The following KRT13 variants were observed in gnomAD, a reference collection of about 807,000 sequenced individuals.
The protein encoded by KRT13 is keratin 13, also known as keratin, type I cytoskeletal 13.
KRT13 carries 27 observed loss-of-function variants against 40.6 expected under a neutral mutation model. The observed-to-expected ratio is 0.67, with a 90% CI of 0.49 to 0.92. The LOEUF is 0.92. Ranked by LOEUF, KRT13 falls within the 40% of genes least tolerant of loss-of-function variation. The pLI is 0.00. For missense variants in KRT13, 605 were observed against 611.5 expected, an observed-to-expected ratio of 0.99 and a Z score of 0.11; for synonymous variants, 266 against 240.3, an observed-to-expected ratio of 1.11 and a Z score of -0.99.
In KRT13 at chr17:41,502,543, G is replaced by A; in HGVS notation, c.1075C>T (p.Gln359Ter). 6.2e-7 allele frequency: 1 copy of A among 1,613,894 alleles called. No individual in the cohort carries two copies. ...ATGAGTCCCTGGATCTGCTGCAGCT[G>A]CAGGGCATAGCGGCACTCCGTCTCT... ...VAETECRYALQLQQIQGLISS... is the reference protein window; with the variant it reads ...VAETECRYAL The change falls in exon 6 of 8, where the codon CAG (glutamine) becomes TAG (stop). Residue 359 changes from glutamine to a stop codon, truncating the protein, a stop_gained. Coordinates refer to ENST00000246635, the MANE Select transcript of KRT13 (RefSeq NM_153490.3). LOFTEE classifies it high-confidence loss of function.
rs561606076 is a variant in KRT13 at position 41,503,414 on chromosome 17, C to T, written c.608G>A (p.Ser203Asn). ...KYENELALRQ[S>N]VEADINGLRR... ...CAGGCCGTTGATGTCGGCCTCCACG[C>T]TCTGGCGCAGGGCCAGCTCATTCTC... Residue 203 changes from serine (S) to asparagine (N), a missense_variant, in exon 3 of 8, where the codon AGC becomes AAC. Coordinates refer to ENST00000246635, the MANE Select transcript of KRT13 (RefSeq NM_153490.3). The T allele has an allele frequency of 1.6e-5, 26 of 1,614,252 alleles. No homozygotes were observed. Among genetic ancestry groups the T allele is most frequent in the East Asian group, 2.2e-5 (1 of 44,880 alleles).
chr17:41,504,138 T>G (rs1010482523), intron 1 of KRT13: 1 of 260,560 alleles, frequency 3.8e-6, no homozygotes, highest in Non-Finnish European at 7.5e-6. Context: ...AAGTGAGGAG[T>G]GGGGCTGCAT....
Position 41,501,213 on chromosome 17 carries a change from T to A in KRT13, c.*43A>T. The A allele has an allele frequency of 1.4e-6, 2 of 1,408,578 alleles. No homozygotes were observed. Among genetic ancestry groups the A allele is most frequent in the East Asian group, 2.5e-5 (1 of 39,752 alleles). The allele number at this position is 1,408,578 out of a possible 1,614,324, so 87.3% of individuals were successfully genotyped here. A position where few individuals can be genotyped will look rare whatever the true frequency, so the allele number is the denominator to read the frequency against. ...CTGCAGGGAACTGCCGGCTCTCTCC[T>A]CCTCTGGGTGCTGAAGACAGAGGGA... On this transcript the variant is annotated 3_prime_UTR_variant, in exon 8 of 8. Transcript: ENST00000246635.
chr17:41,505,120 C>T lies in KRT13; in HGVS notation c.431G>A (p.Ser144Asn), dbSNP rs1004626014. 2 of 1,614,130 alleles carry T rather than the reference C, an allele frequency of 1.2e-6. No individual in the cohort carries two copies. The highest frequency in any genetic ancestry group is 1.7e-6 in the Non-Finnish European group (2 of 1,180,058). The change falls in exon 1 of 8, where the codon AGC becomes AAC. Residue 144 changes from serine (S) to asparagine (N), a missense_variant. Transcript: ENST00000246635. ...GTAGTCCCGCTCAGGGCTAGCTGGG[C>T]TCTGCTTCAGGTGCCAGTCACGGAT... ...VKIRDWHLKQ[S>N]PASPERDYSP...
In KRT13 at chr17:41,505,604, G is replaced by A. The variant is rs898871726; in HGVS notation, c.-54C>T. On this transcript the variant is annotated 5_prime_UTR_variant, in exon 1 of 8. Transcript: ENST00000246635. The stretch of plus-strand genomic sequence containing the variant: ...GATAGAAGCTTGCTTGGCCTGGGCC[G>A]AGGACTGTGGCTCTTCCCCAGAGTG... The A allele has an allele frequency of 3.9e-5, 62 of 1,609,396 alleles. No individual in the cohort carries two copies. Among genetic ancestry groups the A allele is most frequent in the Non-Finnish European group, 4.4e-5 (52 of 1,178,820 alleles).
Position 41,502,861 on chromosome 17 carries a change from C to A in KRT13, c.898-49G>T, listed in dbSNP as rs750991125. Reference sequence around the variant, plus strand: ...TGGTGGGGAAGCTCAGCTCGAGCAGCCTGACCAAGAGGCTGTGTCCGCCCG... The same window carrying A: ...TGGTGGGGAAGCTCAGCTCGAGCAGACTGACCAAGAGGCTGTGTCCGCCCG... On this transcript the variant is annotated intron_variant, in intron 4 of 7. Coordinates refer to ENST00000246635, the MANE Select transcript of KRT13 (RefSeq NM_153490.3). 3.7e-6 allele frequency: 6 copies of A among 1,614,072 alleles called. No homozygotes were observed. In the South Asian group the frequency reaches 6.6e-5, roughly 18 times the overall value.
Position 41,503,404 on chromosome 17 carries a change from G to A in KRT13, c.618C>T (p.Ala206=), listed in dbSNP as rs147005767. 64 of 1,614,198 alleles carry A rather than the reference G, an allele frequency of 4.0e-5. No individual in the cohort carries two copies. The highest frequency in any genetic ancestry group is 1.1e-4 in the South Asian group (10 of 91,092). The change falls in exon 3 of 8, where the codon GCC becomes GCT. Residue 206 remains alanine (A), a synonymous_variant. Coordinates refer to ENST00000246635, the MANE Select transcript of KRT13 (RefSeq NM_153490.3). The part of the protein sequence containing the change: ...NELALRQSVE[A]DINGLRRVLD... ...GCACCCGGCGCAGGCCGTTGATGTC[G>A]GCCTCCACGCTCTGGCGCAGGGCCA...
chr17:41,501,739 A>G lies in KRT13; in HGVS notation c.1250T>C (p.Ile417Thr). The change falls in exon 7 of 8, where the codon ATT (isoleucine) becomes ACT (threonine). Residue 417 changes from isoleucine (I) to threonine (T), a missense_variant. Physicochemically the swap from Ile to Thr is moderately conservative, Grantham distance 89. Coordinates refer to ENST00000246635, the MANE Select transcript of KRT13 (RefSeq NM_153490.3). ...CTTACCTGCTGAGGAAGGGAAACCA[A>G]TCATCCTGGGAGAGAGGACAGAGGT... is the stretch of plus-strand genomic sequence containing the variant. ...SLLEGQDAKM[I>T]GFPSSAGSVS... is the part of the protein sequence containing the mutation. 1 of 1,594,592 alleles carries G rather than the reference A, an allele frequency of 6.3e-7. No individual in the cohort carries two copies. The highest frequency in any genetic ancestry group is 8.5e-7 in the Non-Finnish European group (1 of 1,169,994).
Position 41,500,982 on chromosome 17 carries a change from A to G in KRT13, c.*274T>C, listed in dbSNP as rs141918873. 5.3e-4 allele frequency: 192 copies of G among 362,096 alleles called. 1 individual carries two copies. Among genetic ancestry groups the G allele is most frequent in the African/African-American group, 3.7e-3 (174 of 47,482 alleles). 22.4% of individuals were successfully genotyped at this position (362,096 alleles called of 1,614,324 possible). A position where few individuals can be genotyped will look rare whatever the true frequency, so the allele number is the denominator to read the frequency against. On this transcript the variant is annotated 3_prime_UTR_variant, in exon 8 of 8. Coordinates refer to ENST00000246635, the MANE Select transcript of KRT13 (RefSeq NM_153490.3). ...AAGAAACCAGGCCAGAATCAAAAAT[A>G]TGTTTGCAGAAAGGCAGGAAACTTT... is the stretch of plus-strand genomic sequence containing the variant.
Position 41,502,393 on chromosome 17 carries a change from G to A in KRT13, c.1225C>T (p.Leu409Phe), listed in dbSNP as rs767962920. 1.9e-6 allele frequency: 3 copies of A among 1,614,220 alleles called. No individual in the cohort carries two copies. The highest frequency in any genetic ancestry group is 2.5e-6 in the Non-Finnish European group (3 of 1,180,032). ...ACCTACTTGGCGTCCTGGCCCTCGA[G>A]CAGGCTGCGGTAGGTGGCGATCTCC... ...EQEIATYRSLLEGQDAKMIGF... is the reference protein window; with the variant it reads ...EQEIATYRSLFEGQDAKMIGF... The change falls in exon 6 of 8, where the codon CTC becomes TTC. Residue 409 changes from leucine (L) to phenylalanine (F), a missense_variant. Transcript: ENST00000246635.
rs199505704 is a variant in KRT13, at chr17:41,502,910, G to A, written c.897+27C>T. ...CGGCCCCCCTGGCTATATGGGATGG[G>A]CTATGTGGGGTGGGAGGGCCGGGTA... On this transcript the variant is annotated intron_variant, in intron 4 of 7. Transcript: ENST00000246635. 449 of 1,614,090 alleles carry A rather than the reference G, an allele frequency of 2.8e-4. 2 individuals are homozygous for A. In the South Asian group the frequency reaches 2.9e-3, roughly 10 times the overall value.
At position 41,503,074 on chromosome 17, in the gene KRT13, C is replaced by G. The variant is rs565217320; in HGVS notation, c.760G>C (p.Val254Leu). ...ATCTCCACGTTGACCTGGCCGACCA[C>G]CTGGTTGCTAAATTCCTTCATCTCC... ...EEEMKEFSNQ[V>L]VGQVNVEMDA... is the part of the protein sequence containing the mutation. Residue 254 changes from valine (V) to leucine (L), a missense_variant, in exon 4 of 8, where the codon GTG becomes CTG. Val to Leu is a conservative substitution (Grantham distance 32). Transcript: ENST00000246635. The G allele has an allele frequency of 1.6e-4, 254 of 1,614,220 alleles. 2 individuals are homozygous for G. In the South Asian group the frequency reaches 2.6e-3, roughly 17 times the overall value.
At chr17:41,502,057 G>C in intron 6 of KRT13, 1 of 1,415,846 alleles carries the variant, frequency 7.1e-7, no homozygotes, top group Non-Finnish European at 9.2e-7. Flanking sequence ...GGGGTGGCTT[G>C]ATTTCTGCAA....
intron 6 of KRT13, 92 bp downstream of exon 6, chr17:41,502,282 A>T: frequency 6.2e-7 from 1 of 1,611,350 alleles, no homozygotes; most frequent in Non-Finnish European, 8.5e-7. Context: ...CTCCTCTCTG[A>T]CATGAGGGGG....
chr17:41,501,107 C>G lies in KRT13; in HGVS notation c.*149G>C. 3 of 630,040 alleles carry G rather than the reference C, an allele frequency of 4.8e-6. No homozygotes were observed. Among genetic ancestry groups the G allele is most frequent in the Non-Finnish European group, 8.9e-6 (3 of 338,632 alleles). 39.0% of individuals were successfully genotyped at this position (630,040 alleles called of 1,614,324 possible). ...GACCGGAAGAGAAGAGCACAGAGGG[C>G]CCACCATCAGGAGAGAGTCAGGACA... On this transcript the variant is annotated 3_prime_UTR_variant, in exon 8 of 8. Transcript: ENST00000246635.
Position 41,503,291 on chromosome 17 carries a change from T to A in KRT13, c.731A>T (p.Glu244Val). 2 of 1,614,136 alleles carry A rather than the reference T, an allele frequency of 1.2e-6. No individual in the cohort carries two copies. Among genetic ancestry groups the A allele is most frequent in the East Asian group, 2.2e-5 (1 of 44,860 alleles). ...EELAYMKKNH[E>V]EEMKEFSNQV... ...CAGCCTGCAATTCCCGCTCACCTCT[T>A]CATGGTTCTTCTTCATGTAGGCTAG... The change falls in exon 3 of 8, where the codon GAA becomes GTA. Residue 244 changes from glutamate (E) to valine (V), a missense_variant. By Grantham distance (121) the Glu-to-Val change is moderately radical. Coordinates refer to ENST00000246635, the MANE Select transcript of KRT13 (RefSeq NM_153490.3).
intron 1 of KRT13, 82 bp from the exon 2 acceptor site, chr17:41,503,807 T>G: frequency 9.5e-7 from 1 of 1,053,036 alleles, no homozygotes; most frequent in Non-Finnish European, 1.5e-6. Context: ...GAAGAAGAAT[T>G]GTCTTGGGCA....
Position 41,501,309 on chromosome 17 carries a change from T to C in KRT13, c.1324A>G (p.Thr442Ala). ...CGACCAGAGGCATTAGAGGTGGTGGTAACAGAGGCACTAGAAGTCGTGGTA... is the reference window on the plus strand; with the variant it reads ...CGACCAGAGGCATTAGAGGTGGTGGCAACAGAGGCACTAGAAGTCGTGGTA... ...SVTTTSSASV[T>A]TTSNASGRRT... Residue 442 changes from threonine to alanine, a missense_variant, in exon 8 of 8, where the codon ACC (threonine) becomes GCC (alanine). Physicochemically the swap from Thr to Ala is moderately conservative, Grantham distance 58 (BLOSUM62 0). Transcript: ENST00000246635. The C allele has an allele frequency of 6.3e-7, 1 of 1,576,926 alleles. No individual in the cohort carries two copies. Among genetic ancestry groups the C allele is most frequent in the Middle Eastern group, 1.7e-4 (1 of 6,014 alleles).
chr17:41,501,352 G>T lies in KRT13; in HGVS notation c.1281C>A (p.Ser427Arg), dbSNP rs754430921. 2.6e-6 allele frequency: 4 copies of T among 1,562,916 alleles called. No homozygotes were observed. Among genetic ancestry groups the T allele is most frequent in the Non-Finnish European group, 3.5e-6 (4 of 1,152,702 alleles). The change falls in exon 8 of 8, where the codon AGC becomes AGA. Residue 427 changes from serine (S) to arginine (R), a missense_variant. By Grantham distance (110) the Ser-to-Arg change is moderately radical (BLOSUM62 -1). Coordinates refer to ENST00000246635, the MANE Select transcript of KRT13 (RefSeq NM_153490.3). ...TCGTGGTAACAGAGGTGCTACGGGGGCTGACGCTTCCTGGGAAACAAGAGA... is the reference window on the plus strand; with the variant it reads ...TCGTGGTAACAGAGGTGCTACGGGGTCTGACGCTTCCTGGGAAACAAGAGA... ...IGFPSSAGSV[S>R]PRSTSVTTTS...
Sources: gnomAD v4.1 joint callset for allele counts on GRCh38, gnomAD v4.1.1 for gene constraint, MANE v1.5 for transcripts, NCBI Gene and HGNC (gene_info 2026-07-23, HGNC 2026-07-21) for gene names.